SBNO2: variants seen among roughly 807,000 people sequenced by gnomAD.
The protein encoded by SBNO2 is strawberry notch homolog 2.
Under a neutral mutation model 146.3 loss-of-function variants are expected in SBNO2, and 89 were observed. The observed-to-expected ratio is 0.61, with a 90% CI of 0.51 to 0.73. SBNO2 has a LOEUF of 0.73. SBNO2 is among the 30% of genes least tolerant of loss of function. SBNO2 has a pLI of 0.00. For synonymous variants in SBNO2, 1,147 were observed against 892.6 expected (o/e 1.29, Z -5.08); for missense variants, 2,092 against 2,003.7 (o/e 1.04, Z -0.84).
In SBNO2 at chr19:1,108,888, G is replaced by A. The variant is rs752909677; in HGVS notation, c.3507C>T (p.Gly1169=). ...LRLRHHYMLC[G]ALLRVWGRIA... is the part of the protein sequence containing the mutation. Reference sequence around the variant, plus strand: ...TGCGGCCCCACACGCGCAGCAGCGCGCCGCACAGCATGTAGTGGTGCCGCA... The same window carrying A: ...TGCGGCCCCACACGCGCAGCAGCGCACCGCACAGCATGTAGTGGTGCCGCA... Residue 1169 remains glycine, a synonymous_variant, in exon 31 of 32, where the codon GGC becomes GGT. Coordinates refer to ENST00000361757, the MANE Select transcript of SBNO2 (RefSeq NM_014963.3). 7 of 1,588,472 alleles carry A rather than the reference G, an allele frequency of 4.4e-6. No individual in the cohort carries two copies. Among genetic ancestry groups the A allele is most frequent in the African/African-American group, 1.3e-5 (1 of 74,568 alleles).
At chr19:1,168,064 G>A (rs1049321753) in intron 1 of SBNO2, among the ~76,000 whole-genome samples, 8 of 152,156 alleles carry the variant, frequency 5.3e-5, no homozygotes, top group Non-Finnish European at 1.2e-4. Context: ...GGAGACTTGT[G>A]GGCAGGAATG....
At chr19:1,168,775 T>TTTCTCC (rs2080450129) in intron 1 of SBNO2, 1 of 152,214 alleles carries the variant, frequency 6.6e-6, no homozygotes, top group Non-Finnish European at 1.5e-5. Context: ...GGGCAGGGAC[T>TTTCTCC]TTCTCCGTGA....
rs775665914 is a variant in SBNO2 at position 1,119,038 on chromosome 19, C to T, written c.1500G>A (p.Glu500=). The T allele has an allele frequency of 8.7e-6, 14 of 1,603,516 alleles. No homozygotes were observed. In the East Asian group the frequency reaches 3.1e-4, roughly 36 times the overall value. ...IEEIPLAPAF[E]CVYNRAALLW... The stretch of plus-strand genomic sequence containing the variant: ...GCAGGGCCGCGCGGTTGTAGACGCA[C>T]TCGAAGGCTGGGGCCAGCGGGATCT... Residue 500 remains glutamate, a synonymous_variant, in exon 14 of 32, where the codon GAG becomes GAA. Transcript: ENST00000361757.
chr19:1,130,891 C>T (rs145079426), intron 4 of SBNO2, among the ~76,000 whole-genome samples: 42 of 152,322 alleles, frequency 2.8e-4, no homozygotes, highest in South Asian at 8.3e-4. Context: ...GCTCCCCGTC[C>T]GGTCCTTCCC....
Position 1,108,624 on chromosome 19 carries a change from C to T in SBNO2, c.3697G>A (p.Ala1233Thr), listed in dbSNP as rs2145179798. Residue 1233 changes from alanine to threonine, a missense_variant, in exon 32 of 32, where the codon GCG becomes ACG. Coordinates refer to ENST00000361757, the MANE Select transcript of SBNO2 (RefSeq NM_014963.3). ...GGGGCGGGGCAGCCCAGGGCGGGCG[C>T]CTGCCTGCGCTTCACGTCCGCATCC... is the stretch of plus-strand genomic sequence containing the variant. ...LMDADVKRRQ[A>T]PALGCPAPPA... 1.4e-6 allele frequency: 2 copies of T among 1,452,954 alleles called. No individual in the cohort carries two copies. The highest frequency in any genetic ancestry group is 2.9e-5 in the East Asian group (1 of 33,990). 90.0% of individuals were successfully genotyped at this position (1,452,954 alleles called of 1,614,324 possible).
Position 1,122,935 on chromosome 19 carries a change from G to T in SBNO2, c.739C>A (p.Leu247Met). The T allele has an allele frequency of 6.4e-7, 1 of 1,558,186 alleles. No homozygotes were observed. The highest frequency in any genetic ancestry group is 8.7e-7 in the Non-Finnish European group (1 of 1,151,642). Residue 247 changes from leucine to methionine, a missense_variant, in exon 8 of 32, where the codon CTG (leucine) becomes ATG (methionine). Physicochemically the swap from Leu to Met is conservative, Grantham distance 15. Coordinates refer to ENST00000361757, the MANE Select transcript of SBNO2 (RefSeq NM_014963.3). The part of the protein sequence containing the change: ...TLALPSDSGA[L>M]SALQLEAITY... ...ATGGCCTCTAGCTGCAGGGCAGACA[G>T]GGCCCCGCTGTCCGAGGGCAGGGCC...
chr19:1,108,391 G>C lies in SBNO2; in HGVS notation c.3930C>G (p.Ile1310Met). The change falls in exon 32 of 32, where the codon ATC (isoleucine) becomes ATG (methionine). Residue 1310 changes from isoleucine (I) to methionine (M), a missense_variant. Ile to Met is a conservative substitution (Grantham distance 10). Coordinates refer to ENST00000361757, the MANE Select transcript of SBNO2 (RefSeq NM_014963.3). ...PAALAHQGCDINFKEVLEDML... is the reference protein window; with the variant it reads ...PAALAHQGCDMNFKEVLEDML... ...TGTCCTCCAGCACCTCCTTGAAGTT[G>C]ATGTCGCAGCCCTGGTGCGCGAGGG... The C allele has an allele frequency of 1.6e-6, 2 of 1,286,508 alleles. No homozygotes were observed. Among genetic ancestry groups the C allele is most frequent in the East Asian group, 4.0e-5 (1 of 25,300 alleles). 79.7% of individuals were successfully genotyped at this position (1,286,508 alleles called of 1,614,324 possible).
intron 1 of SBNO2, among the ~76,000 whole-genome samples, chr19:1,170,215 C>T (rs901002553): frequency 1.3e-5 from 2 of 152,206 alleles, no homozygotes; most frequent in African/African-American, 4.8e-5. Context: ...ATCCGAAATC[C>T]CCGTCTTGGC....
Position 1,108,718 on chromosome 19 carries a change from G to T in SBNO2, c.3617-14C>A. ...GGATCTTGATGCCTGCGGGCAGAGC[G>T]TCGGGGTCAGGGCCGGCGCTGGGGG... is the stretch of plus-strand genomic sequence containing the variant. On this transcript the variant is annotated splice_polypyrimidine_tract_variant and intron_variant, in intron 31 of 31. Coordinates refer to ENST00000361757, the MANE Select transcript of SBNO2 (RefSeq NM_014963.3). The T allele has an allele frequency of 6.4e-7, 1 of 1,564,228 alleles. No individual in the cohort carries two copies. The highest frequency in any genetic ancestry group is 8.6e-7 in the Non-Finnish European group (1 of 1,163,136).
At chr19:1,116,298 T>C (rs1043363803) in intron 16 of SBNO2, among the ~76,000 whole-genome samples, 195 bp from the exon 17 acceptor site, 3 of 151,472 alleles carry the variant, frequency 2.0e-5, no homozygotes, top group African/African-American at 7.3e-5. Flanking sequence ...CCTCCTGGTG[T>C]CACAGGGCCA....
chr19:1,152,707 GC>G (rs2080254168), intron 2 of SBNO2, among the ~76,000 whole-genome samples: 1 of 152,166 alleles, frequency 6.6e-6, no homozygotes, highest in Non-Finnish European at 1.5e-5. Flanking sequence ...GCTGCCCAAA[GC>G]CCTCTGAGGA....
intron 1 of SBNO2, among the ~76,000 whole-genome samples, chr19:1,164,932 A>C (rs2080397171): frequency 1.3e-4 from 1 of 7,782 alleles, no homozygotes; most frequent in Non-Finnish European, 3.1e-4. Context: ...AGGAGGAGGC[A>C]CAGGAGGAGG....
Position 1,113,621 on chromosome 19 carries a change from T to C in SBNO2, c.2161A>G (p.Lys721Glu). Residue 721 changes from lysine (K) to glutamate (E), a missense_variant, in exon 19 of 32, where the codon AAA becomes GAA. Transcript: ENST00000361757. Reference protein sequence around the residue: ...VERLKQDLLDKVRRLGRELPV... With the variant: ...VERLKQDLLDEVRRLGRELPV... Reference sequence around the variant, plus strand: ...AGTTCCCGGCCCAGCCGCCGCACTTTGTCCAGCAGATCCTGCTTCAGCCGC... The same window carrying C: ...AGTTCCCGGCCCAGCCGCCGCACTTCGTCCAGCAGATCCTGCTTCAGCCGC... The C allele has an allele frequency of 1.3e-6, 2 of 1,598,578 alleles. No individual in the cohort carries two copies. The highest frequency in any genetic ancestry group is 1.7e-6 in the Non-Finnish European group (2 of 1,174,292).
At position 1,111,990 on chromosome 19, in the gene SBNO2, C is replaced by T. The variant is rs375422120; in HGVS notation, c.2700+6G>A. 4 of 1,611,198 alleles carry T rather than the reference C, an allele frequency of 2.5e-6. No individual in the cohort carries two copies. Among genetic ancestry groups the T allele is most frequent in the Admixed American group, 1.7e-5 (1 of 59,978 alleles). On this transcript the variant is annotated splice_donor_region_variant and intron_variant, in intron 23 of 31. Coordinates refer to ENST00000361757, the MANE Select transcript of SBNO2 (RefSeq NM_014963.3). ...CCGCCCCCCAACCCTGCCTTCCCTGCAGTACCTTGTTCTCAAAGTTGTACT... is the reference window on the plus strand; with the variant it reads ...CCGCCCCCCAACCCTGCCTTCCCTGTAGTACCTTGTTCTCAAAGTTGTACT...
intron 4 of SBNO2, among the ~76,000 whole-genome samples, chr19:1,134,829 C>T (rs555747612): frequency 3.3e-5 from 5 of 151,940 alleles, no homozygotes; most frequent in African/African-American, 7.2e-5. Context: ...GGGTGGATCA[C>T]GAGGTCAGGA....
At chr19:1,125,854 C>T (rs751888759) in intron 5 of SBNO2, among the ~76,000 whole-genome samples, 8 of 151,602 alleles carry the variant, frequency 5.3e-5, no homozygotes, top group African/African-American at 9.7e-5. Context: ...ATTAGCCAGG[C>T]GTGGTGTCGT....
At chr19:1,143,648 G>A (rs2080160324) in intron 4 of SBNO2, among the ~76,000 whole-genome samples, 1 of 152,142 alleles carries the variant, frequency 6.6e-6, no homozygotes, top group African/African-American at 2.4e-5. Flanking sequence ...TTGGCTTGGG[G>A]CCCCTTCTTC....
intron 4 of SBNO2, among the ~76,000 whole-genome samples, chr19:1,129,509 C>T (rs751295634): frequency 1.3e-5 from 2 of 152,136 alleles, no homozygotes; most frequent in Admixed American, 1.3e-4. Context: ...CAGCACCCCC[C>T]ACCCCAGGAG....
Position 1,112,328 on chromosome 19 carries a change from C to G in SBNO2, c.2516-27G>C. Reference sequence around the variant, plus strand: ...TGGGGGCAGAGCTGCTCTCAGGGCCCGGCCAGGCGGGGGCGGGGCCGAGAC... The same window carrying G: ...TGGGGGCAGAGCTGCTCTCAGGGCCGGGCCAGGCGGGGGCGGGGCCGAGAC... On this transcript the variant is annotated intron_variant, in intron 21 of 31. Coordinates refer to ENST00000361757, the MANE Select transcript of SBNO2 (RefSeq NM_014963.3). The surrounding 1 kb of genome is among the most constrained non-coding windows in gnomAD (Gnocchi z 5.9). 1 of 1,569,886 alleles carries G rather than the reference C, an allele frequency of 6.4e-7. No individual in the cohort carries two copies.
Sources: gnomAD v4.1 joint callset for allele counts (sites outside exome capture counted in the v4.1 genomes callset) on GRCh38, gnomAD v4.1.1 for gene constraint, Gnocchi (gnomAD v3.1) non-coding constraint, MANE v1.5 for transcripts, NCBI Gene and HGNC (gene_info 2026-07-23, HGNC 2026-07-21) for gene names.